MEF2C: variants seen among roughly 807,000 people sequenced by gnomAD.
The protein encoded by MEF2C is myocyte enhancer factor 2C, also known as myocyte-specific enhancer factor 2C.
MEF2C carries 6 observed loss-of-function variants against 50.5 expected under a neutral mutation model. The observed-to-expected ratio is 0.12, with a 90% CI of 0.07 to 0.23. The LOEUF is 0.23. Ranked by LOEUF, MEF2C falls within the 10% of genes least tolerant of loss-of-function variation. The pLI, the probability that MEF2C is intolerant of heterozygous loss-of-function variation, is 1.00. For synonymous variants in MEF2C, 183 were observed against 228.0 expected, an observed-to-expected ratio of 0.80 and a Z score of 1.78; for missense variants, 276 against 605.0, an observed-to-expected ratio of 0.46 and a Z score of 5.70.
At chr5:88,805,561 C>T (rs1800014890) in intron 2 of MEF2C, among the ~76,000 whole-genome samples, 1 of 152,120 alleles carries the variant, frequency 6.6e-6, no homozygotes. Flanking sequence ...TTTGGACAGC[C>T]TAGCAGCTTC....
At chr5:88,876,227 A>C (rs1435104976) in intron 1 of MEF2C, among the ~76,000 whole-genome samples, 2 of 151,878 alleles carry the variant, frequency 1.3e-5, no homozygotes, top group Non-Finnish European at 2.9e-5. Context: ...TGTGGCAAAA[A>C]TTTTTAAAAA....
At chr5:88,867,666 T>C (rs1025366661) in intron 1 of MEF2C, among the ~76,000 whole-genome samples, 1 of 152,198 alleles carries the variant, frequency 6.6e-6, no homozygotes, top group Non-Finnish European at 1.5e-5. Flanking sequence ...ATAAAAGTTA[T>C]TAAAATTATT....
intron 3 of MEF2C, among the ~76,000 whole-genome samples, chr5:88,788,169 TG>T (rs1791903011): frequency 8.1e-6 from 1 of 123,532 alleles, no homozygotes; most frequent in Admixed American, 7.9e-5. Context: ...CATGCCAGTT[TG>T]TTTGTTTGTT....
chr5:88,784,274 C>A (rs1289507722), intron 3 of MEF2C, among the ~76,000 whole-genome samples: 1 of 152,104 alleles, frequency 6.6e-6, no homozygotes, highest in Non-Finnish European at 1.5e-5. Context: ...GTAGTCAAAT[C>A]AATATCAGCT....
At chr5:88,773,691 T>G (rs1198379453) in intron 3 of MEF2C, among the ~76,000 whole-genome samples, 1 of 152,164 alleles carries the variant, frequency 6.6e-6, no homozygotes, top group African/African-American at 2.4e-5. Context: ...CCTGATGATA[T>G]ACAATGGAGA....
intron 2 of MEF2C, among the ~76,000 whole-genome samples, chr5:88,817,053 A>C (rs1805785763): frequency 6.6e-6 from 1 of 152,026 alleles, no homozygotes; most frequent in Non-Finnish European, 1.5e-5. Context: ...TGCATTTAGC[A>C]GTGGAGACTG....
At chr5:88,786,826 G>C (rs191357608) in intron 3 of MEF2C, among the ~76,000 whole-genome samples, 1 of 152,242 alleles carries the variant, frequency 6.6e-6, no homozygotes, top group East Asian at 1.9e-4. Flanking sequence ...ACTTATTCAA[G>C]GCCATGCCTT....
chr5:88,789,171 CT>C (rs370986981), intron 3 of MEF2C, among the ~76,000 whole-genome samples: 6,053 of 144,466 alleles, frequency 0.042, 163 homozygotes, highest in Non-Finnish European at 0.059. Context: ...TTTTGTAATA[CT>C]TTTTTTTTTT....
At chr5:88,867,032 C>A (rs185131724) in intron 1 of MEF2C, among the ~76,000 whole-genome samples, 2 of 152,142 alleles carry the variant, frequency 1.3e-5, no homozygotes, top group Non-Finnish European at 1.5e-5. Context: ...TTTCAATTAA[C>A]GCTAATATCG....
chr5:88,788,199 T>TTTATTTAA (rs77244017), intron 3 of MEF2C, among the ~76,000 whole-genome samples: 39,943 of 151,000 alleles, frequency 0.26, 6,291 homozygotes, highest in South Asian at 0.39. Flanking sequence ...TATTTATTTA[T>TTTATTTAA]TTATTTATTT....
At chr5:88,897,954 A>T (rs1298161113) in intron 1 of MEF2C, among the ~76,000 whole-genome samples, 2 of 152,154 alleles carry the variant, frequency 1.3e-5, no homozygotes, top group Admixed American at 1.3e-4. Context: ...CCTCAGGCCC[A>T]CTTAGCTGCA....
At chr5:88,768,302 T>A (rs956138739) in intron 3 of MEF2C, among the ~76,000 whole-genome samples, 1 of 152,188 alleles carries the variant, frequency 6.6e-6, no homozygotes, top group Non-Finnish European at 1.5e-5. Context: ...AAATGCTAGA[T>A]GAATGAATGG....
At chr5:88,783,570 C>T (rs1171470243) in intron 3 of MEF2C, among the ~76,000 whole-genome samples, 5 of 152,012 alleles carry the variant, frequency 3.3e-5, no homozygotes, top group African/African-American at 9.7e-5. Context: ...GTGGAGGTTG[C>T]GGTGAGCTGA....
intron 1 of MEF2C, among the ~76,000 whole-genome samples, chr5:88,871,721 A>G (rs1403740719): frequency 6.6e-6 from 1 of 152,038 alleles, no homozygotes; most frequent in Non-Finnish European, 1.5e-5. Context: ...TTAAATCTAC[A>G]TTTTACCTAA....
chr5:88,852,252 G>T (rs1023846092), intron 1 of MEF2C, among the ~76,000 whole-genome samples: 1 of 152,062 alleles, frequency 6.6e-6, no homozygotes, highest in East Asian at 1.9e-4. Context: ...TAATTAAAAA[G>T]TTAATTTTAA....
Position 88,722,563 on chromosome 5 carries a change from C to G in MEF2C, c.*41G>C. On this transcript the variant is annotated 3_prime_UTR_variant, in exon 11 of 11. Coordinates refer to ENST00000504921, the MANE Select transcript of MEF2C (RefSeq NM_002397.5). Reference sequence around the variant, plus strand: ...CCCATTAAGGTATAGCACACACACACACTGCAAGAAAAAAAAAAAAACTAG... The same window carrying G: ...CCCATTAAGGTATAGCACACACACAGACTGCAAGAAAAAAAAAAAAACTAG... 1 of 1,537,790 alleles carries G rather than the reference C, an allele frequency of 6.5e-7. No homozygotes were observed.
chr5:88,778,862 T>C (rs1324820850), intron 3 of MEF2C, among the ~76,000 whole-genome samples: 1 of 152,232 alleles, frequency 6.6e-6, no homozygotes, highest in Non-Finnish European at 1.5e-5. Context: ...GTTTTGCATC[T>C]TGCCAGAAAA....
intron 6 of MEF2C, chr5:88,737,281 A>C (rs1029666886): frequency 1.0e-6 from 1 of 985,418 alleles, no homozygotes. Flanking sequence ...CAAACTGCTT[A>C]TCTACCATAT....
chr5:88,814,179 G>T (rs1483379388), intron 2 of MEF2C, among the ~76,000 whole-genome samples: 6 of 152,040 alleles, frequency 3.9e-5, no homozygotes, highest in Non-Finnish European at 7.4e-5. Flanking sequence ...CACCTCCCTT[G>T]TTCCTGACAG....
Sources: gnomAD v4.1 joint callset for allele counts (sites outside exome capture counted in the v4.1 genomes callset) on GRCh38, gnomAD v4.1.1 for gene constraint, MANE v1.5 for transcripts, NCBI Gene and HGNC (gene_info 2026-07-23, HGNC 2026-07-21) for gene names.